The following DCX variants were observed in gnomAD, a reference collection of about 807,000 sequenced individuals.
The protein encoded by DCX is doublecortin.
In DCX, 4 loss-of-function variants were observed where a neutral mutation model predicts 20.9. The ratio of observed to expected loss-of-function variants is 0.19; its 90% CI spans 0.09 to 0.44. DCX has a LOEUF of 0.44. Among genes scored for constraint, DCX ranks in the 20% least tolerant of loss-of-function variants. DCX has a pLI of 0.99. For missense variants in DCX, 133 were observed against 296.9 expected (o/e 0.45, Z 4.06); for synonymous variants, 103 against 111.4 (o/e 0.92, Z 0.47).
rs778154667 is a variant in DCX at position 111,368,612 on chromosome X, T to C, written c.705+32378A>G. Among the ~76,000 whole-genome samples, 607 of 110,987 alleles carry C rather than the reference T, an allele frequency of 5.5e-3. 7 individuals carry two copies. The highest frequency in any genetic ancestry group is 0.018 in the African/African-American group (562 of 30,530). On this transcript the variant is annotated intron_variant, in intron 3 of 6. Transcript: ENST00000636035. ...TCATTGGCAACTGGTTTTGAAAGAATAGAAATGAGTTTACAGAGAGTTAAA... is the reference window on the plus strand; with the variant it reads ...TCATTGGCAACTGGTTTTGAAAGAACAGAAATGAGTTTACAGAGAGTTAAA...
intron 5 of DCX, among the ~76,000 whole-genome samples, chrX:111,321,662 G>T (rs887289213): frequency 9.0e-6 from 1 of 111,283 alleles, no homozygotes; most frequent in Non-Finnish European, 1.9e-5. Flanking sequence ...ACAGAGTGGG[G>T]TCACTAGCCA....
chrX:111,406,356 A>G (rs933715012), intron 2 of DCX, among the ~76,000 whole-genome samples: 6 of 112,291 alleles, frequency 5.3e-5, no homozygotes, highest in African/African-American at 1.9e-4. Context: ...CCTTACTAAC[A>G]TAATCATTGT....
intron 3 of DCX, among the ~76,000 whole-genome samples, chrX:111,385,069 G>T (rs1299842613): frequency 8.9e-6 from 1 of 112,534 alleles, no homozygotes; most frequent in Non-Finnish European, 1.9e-5. Flanking sequence ...CCTGGAAAAG[G>T]CAGTGCCTTT....
chrX:111,353,903 C>CT (rs1923523626), intron 3 of DCX, among the ~76,000 whole-genome samples: 1 of 111,839 alleles, frequency 8.9e-6, no homozygotes, highest in African/African-American at 3.2e-5. Flanking sequence ...AAAAAATTGA[C>CT]TTTTGGACCT....
At chrX:111,348,027 C>T (rs1922984306) in intron 3 of DCX, among the ~76,000 whole-genome samples, 1 of 112,044 alleles carries the variant, frequency 8.9e-6, no homozygotes, top group Non-Finnish European at 1.9e-5. Flanking sequence ...GTGTCAGGTG[C>T]CCTTATCTTC....
At chrX:111,306,929 G>A (rs1349032597) in intron 6 of DCX, among the ~76,000 whole-genome samples, 1 of 111,339 alleles carries the variant, frequency 9.0e-6, no homozygotes, top group Non-Finnish European at 1.9e-5. Context: ...AGAGGGAAAT[G>A]TATATGAAAT....
intron 3 of DCX, among the ~76,000 whole-genome samples, chrX:111,338,005 G>A (rs936149324): frequency 8.9e-6 from 1 of 112,232 alleles, no homozygotes; most frequent in African/African-American, 3.2e-5. Context: ...ATGAACTGGG[G>A]AAGGCTTCAC....
chrX:111,303,244 C>T (rs1490937918), intron 6 of DCX, among the ~76,000 whole-genome samples: 4 of 109,618 alleles, frequency 3.6e-5, no homozygotes, highest in Non-Finnish European at 5.7e-5. Flanking sequence ...CCCACCACCA[C>T]GCCTGGCTAA....
intron 3 of DCX, among the ~76,000 whole-genome samples, chrX:111,342,472 C>T (rs1424476341): frequency 2.0e-5 from 2 of 99,451 alleles, no homozygotes; most frequent in Non-Finnish European, 4.1e-5. Context: ...TAGTGGGAGA[C>T]TTTAACACCC....
At chrX:111,345,855 C>T (rs988423864) in intron 3 of DCX, among the ~76,000 whole-genome samples, 1 of 111,874 alleles carries the variant, frequency 8.9e-6, no homozygotes, top group Admixed American at 9.5e-5. Flanking sequence ...TTTACATTCC[C>T]ACCAACAGCG....
chrX:111,400,715 G>A (rs1435519123), intron 3 of DCX, among the ~76,000 whole-genome samples: 1 of 112,193 alleles, frequency 8.9e-6, no homozygotes, highest in Non-Finnish European at 1.9e-5. Flanking sequence ...ATAGAACCTA[G>A]GTTCTAACAC....
chrX:111,381,898 G>T (rs984042764), intron 3 of DCX, among the ~76,000 whole-genome samples: 1 of 111,693 alleles, frequency 9.0e-6, no homozygotes, highest in Non-Finnish European at 1.9e-5. Flanking sequence ...TATTACTCTG[G>T]TTTTCTAATG....
intron 3 of DCX, among the ~76,000 whole-genome samples, chrX:111,350,186 C>A (rs759979870): frequency 9.0e-6 from 1 of 111,040 alleles, no homozygotes; most frequent in Non-Finnish European, 1.9e-5. Context: ...AACAAGGGAG[C>A]CTGTTGATAA....
At chrX:111,324,216 A>G (rs921585380) in intron 5 of DCX, among the ~76,000 whole-genome samples, 1 of 111,277 alleles carries the variant, frequency 9.0e-6, no homozygotes, top group African/African-American at 3.3e-5. Flanking sequence ...TTGATAAGCC[A>G]TATTCATCAC....
chrX:111,319,874 C>T (rs1354462761), intron 5 of DCX, among the ~76,000 whole-genome samples: 1 of 112,147 alleles, frequency 8.9e-6, no homozygotes, highest in African/African-American at 3.2e-5. Context: ...ATTTGTTAGC[C>T]AAGCTTTATA....
At chrX:111,355,050 T>A (rs1406001420) in intron 3 of DCX, among the ~76,000 whole-genome samples, 1 of 112,644 alleles carries the variant, frequency 8.9e-6, no homozygotes, top group Non-Finnish European at 1.9e-5. Context: ...TTTCTTTGCA[T>A]TTATAGTAGA....
intron 6 of DCX, among the ~76,000 whole-genome samples, chrX:111,302,905 T>A (rs867669251): frequency 1.8e-5 from 2 of 111,818 alleles, no homozygotes; most frequent in African/African-American, 6.5e-5. Context: ...GTATCTTGTC[T>A]TTTTACACAC....
At chrX:111,339,660 A>G (rs1186975216) in intron 3 of DCX, among the ~76,000 whole-genome samples, 3 of 112,136 alleles carry the variant, frequency 2.7e-5, no homozygotes, top group Admixed American at 9.4e-5. Context: ...TCACACATTG[A>G]TATCTCCAGG....
intron 3 of DCX, among the ~76,000 whole-genome samples, chrX:111,365,383 T>G (rs1924542607): frequency 9.1e-6 from 1 of 110,497 alleles, no homozygotes; most frequent in Admixed American, 9.7e-5. Flanking sequence ...TGTATATATT[T>G]ATGGGGTACA....
Sources: allele counts gnomAD v4.1 joint callset (sites outside exome capture counted in the v4.1 genomes callset), GRCh38; gene constraint gnomAD v4.1.1; transcripts MANE v1.5; gene names NCBI Gene and HGNC (gene_info 2026-07-23, HGNC 2026-07-21).